The following C3orf22 variants were observed in gnomAD, a reference collection of about 807,000 sequenced individuals.
C3orf22 encodes the protein chromosome 3 open reading frame 22.
C3orf22 carries 7 observed loss-of-function variants against 10.8 expected under a neutral mutation model. The observed-to-expected ratio is 0.65, with a 90% CI of 0.37 to 1.22. The LOEUF (loss-of-function observed/expected upper bound fraction) is 1.22. C3orf22 is among the 50% of genes most tolerant of loss of function. The pLI is 0.02. For synonymous variants in C3orf22, 79 were observed against 78.9 expected (o/e 1.00, Z 0.00); for missense variants, 173 against 177.0 (o/e 0.98, Z 0.13).
At chr3:126,536,935 C>T (rs1186925329) in intron 4 of C3orf22, among the ~76,000 whole-genome samples, 5 of 150,794 alleles carry the variant, frequency 3.3e-5, no homozygotes, top group Admixed American at 3.3e-4. Context: ...CCCACACACA[C>T]AAGTACTTAT....
At chr3:126,547,108 C>T (rs1246699335), downstream of C3orf22, among the ~76,000 whole-genome samples, 2 of 152,186 alleles carry the variant, frequency 1.3e-5, no homozygotes, top group African/African-American at 4.8e-5. Context: ...GCACCTCCAC[C>T]GTGCCTCATC....
At chr3:126,528,123 G>C (rs1017835732) in intron 5 of C3orf22, among the ~76,000 whole-genome samples, 1 of 151,570 alleles carries the variant, frequency 6.6e-6, no homozygotes, top group African/African-American at 2.4e-5. Context: ...CCTGGGGTGT[G>C]AATGGATGTG....
intron 1 of C3orf22, 31 bp downstream of exon 1, chr3:126,558,596 C>G (rs558429336): frequency 3.9e-5 from 6 of 152,498 alleles, no homozygotes; most frequent in African/African-American, 1.4e-4. Context: ...GGGGACTGTC[C>G]TTTCCAGCCA....
intron 5 of C3orf22, among the ~76,000 whole-genome samples, chr3:126,528,146 C>G (rs1278948128): frequency 2.6e-5 from 4 of 151,358 alleles, no homozygotes; most frequent in African/African-American, 4.9e-5. Context: ...GTGGGTGGGG[C>G]TCTGGGTCCT....
At chr3:126,540,863 C>A (rs1428505579) in intron 4 of C3orf22, among the ~76,000 whole-genome samples, 1 of 152,226 alleles carries the variant, frequency 6.6e-6, no homozygotes, top group African/African-American at 2.4e-5. Context: ...ACATCCTCAC[C>A]AATTCCTAAT....
downstream of C3orf22, chr3:126,549,667 G>A (rs1177468936): frequency 7.2e-6 from 11 of 1,522,398 alleles, no homozygotes; most frequent in East Asian, 2.5e-5. Flanking sequence ...GCTCAGGGAG[G>A]CAAAGTGATC....
rs1936713733 is a variant in C3orf22, at chr3:126,534,106, T to C, written c.287-4734A>G. On this transcript the variant is annotated intron_variant and NMD_transcript_variant, in intron 4 of 5. Coordinates refer to the C3orf22 transcript ENST00000505070. ...TGTTTTTAGTAATTTGAGTCTTTTC[T>C]ATTTTCTCCTAGGTCAGTCTAGCAA... Among the ~76,000 whole-genome samples, 2 of 152,218 alleles carry C rather than the reference T, an allele frequency of 1.3e-5. 1 individual carries two copies. Among genetic ancestry groups the C allele is most frequent in the Non-Finnish European group, 2.9e-5 (2 of 68,040 alleles).
Position 126,553,403 on chromosome 3 carries a change from T to G in C3orf22, c.-13A>C. 1 of 1,609,374 alleles carries G rather than the reference T, an allele frequency of 6.2e-7. No homozygotes were observed. Among genetic ancestry groups the G allele is most frequent in the South Asian group, 1.1e-5 (1 of 91,030 alleles). ...CACTGGAGTCCATCACTGAGTGGGTTAAGCTGAGGCACACCTCTCAGCCAT... is the reference window on the plus strand; with the variant it reads ...CACTGGAGTCCATCACTGAGTGGGTGAAGCTGAGGCACACCTCTCAGCCAT... On this transcript the variant is annotated 5_prime_UTR_variant, in exon 2 of 4. The change abolishes the stop of an existing upstream ORF in the 5' untranslated region. Transcript: ENST00000318225.
intron 2 of C3orf22, 121 bp from the exon 3 acceptor site, chr3:126,552,243 C>T: frequency 1.4e-6 from 2 of 1,450,322 alleles, no homozygotes; most frequent in East Asian, 2.5e-5. Flanking sequence ...AATATTAGCC[C>T]ATATGTCAGC....
intron 1 of C3orf22, among the ~76,000 whole-genome samples, chr3:126,556,963 CAT>C (rs1303476828): frequency 5.5e-4 from 84 of 151,510 alleles, no homozygotes; most frequent in African/African-American, 1.7e-3. Context: ...CACAGACACA[CAT>C]AGATTCACAT....
downstream of C3orf22, among the ~76,000 whole-genome samples, chr3:126,549,249 A>AT (rs1553709270): frequency 8.2e-5 from 12 of 146,506 alleles, no homozygotes; most frequent in Non-Finnish European, 1.6e-4. Context: ...CTCCTCATCC[A>AT]CGCCCCCCCC....
At chr3:126,539,852 C>T (rs991901342) in intron 4 of C3orf22, among the ~76,000 whole-genome samples, 107 of 10,166 alleles carry the variant, frequency 0.011, 1 homozygote, top group East Asian at 0.03. Flanking sequence ...ACACATCACA[C>T]ACACACACCC....
chr3:126,528,145 G>A (rs999977233), intron 5 of C3orf22, among the ~76,000 whole-genome samples: 1 of 151,706 alleles, frequency 6.6e-6, no homozygotes, highest in Non-Finnish European at 1.5e-5. Context: ...TGTGGGTGGG[G>A]CTCTGGGTCC....
intron 4 of C3orf22, among the ~76,000 whole-genome samples, chr3:126,540,873 T>C (rs144944327): frequency 1.8e-4 from 27 of 152,340 alleles, no homozygotes; most frequent in African/African-American, 6.0e-4. Flanking sequence ...CAATTCCTAA[T>C]TGTCTTTTTA....
intron 4 of C3orf22, among the ~76,000 whole-genome samples, chr3:126,536,923 A>ACACC (rs557001264): frequency 1.3e-4 from 18 of 141,566 alleles, no homozygotes; most frequent in African/African-American, 4.7e-4. Flanking sequence ...ACACACACAC[A>ACACC]CCCCACACAC....
rs116475637 is a variant in C3orf22 at position 126,531,437 on chromosome 3, G to A, written c.287-2065C>T. 2.9e-3 allele frequency among the ~76,000 whole-genome samples: 437 copies of A among 151,944 alleles called. 1 individual carries two copies. Among genetic ancestry groups the A allele is most frequent in the African/African-American group, 0.01 (429 of 41,174 alleles). On this transcript the variant is annotated intron_variant and NMD_transcript_variant, in intron 4 of 5. Coordinates refer to the C3orf22 transcript ENST00000505070. ...TGGTTGAAGGCCAAGGATCACAGAA[G>A]CATTTATCCTTCTTTTCTCACATGT... is the stretch of plus-strand genomic sequence containing the variant.
downstream of C3orf22, among the ~76,000 whole-genome samples, chr3:126,545,047 A>T (rs760944715): frequency 6.6e-6 from 1 of 152,244 alleles, no homozygotes; most frequent in Non-Finnish European, 1.5e-5. Flanking sequence ...CACAGATCAC[A>T]GGCTGACCAC....
chr3:126,542,516 C>G, intron 4 of C3orf22: 1 of 1,566,870 alleles, frequency 6.4e-7, no homozygotes, highest in Non-Finnish European at 8.6e-7. Context: ...CCTCTTCGAC[C>G]TCTACAAGAT....
intron 4 of C3orf22, chr3:126,542,512 C>T (rs1236301960): frequency 1.3e-6 from 2 of 1,567,482 alleles, no homozygotes; most frequent in South Asian, 1.2e-5. Context: ...GGCGCCTCTT[C>T]GACCTCTACA....
Sources: allele counts gnomAD v4.1 joint callset (sites outside exome capture counted in the v4.1 genomes callset), GRCh38; gene constraint gnomAD v4.1.1; transcripts MANE v1.5; gene names NCBI Gene and HGNC (gene_info 2026-07-23, HGNC 2026-07-21).